The following DGKB variants were observed in gnomAD, a reference collection of about 807,000 sequenced individuals.
DGKB encodes diacylglycerol kinase beta.
Under a neutral mutation model 114.3 loss-of-function variants are expected in DGKB, and 67 were observed. The ratio of observed to expected loss-of-function variants is 0.59; its 90% CI spans 0.48 to 0.72. The LOEUF (loss-of-function observed/expected upper bound fraction) is 0.72, where lower values mean the gene tolerates loss of function less well. DGKB is among the 30% of genes least tolerant of loss of function. DGKB has a pLI of 0.00. For missense variants in DGKB, 907 were observed against 975.2 expected (o/e 0.93, Z 0.93); for synonymous variants, 398 against 323.1 (o/e 1.23, Z -2.49).
intron 23 of DGKB, among the ~76,000 whole-genome samples, chr7:14,214,503 T>C (rs972322322): frequency 6.6e-6 from 1 of 152,084 alleles, no homozygotes; most frequent in Non-Finnish European, 1.5e-5. Flanking sequence ...TATGTAAATA[T>C]TATATGGTAC....
At chr7:14,616,758 T>C (rs1285659967) in intron 15 of DGKB, among the ~76,000 whole-genome samples, 1 of 151,804 alleles carries the variant, frequency 6.6e-6, no homozygotes, top group Non-Finnish European at 1.5e-5. Context: ...CTTGAGGCTC[T>C]CTCTACAGAG....
At chr7:14,855,925 T>C (rs1850076065) in intron 1 of DGKB, among the ~76,000 whole-genome samples, 1 of 151,866 alleles carries the variant, frequency 6.6e-6, no homozygotes, top group African/African-American at 2.4e-5. Context: ...TATATTAAAA[T>C]ATTGCTACTT....
intron 2 of DGKB, among the ~76,000 whole-genome samples, chr7:14,839,363 A>C (rs950850184): frequency 1.3e-5 from 2 of 152,080 alleles, no homozygotes; most frequent in African/African-American, 4.8e-5. Context: ...GTGATAAAGA[A>C]GAAGTAGGCC....
At chr7:14,827,709 C>A (rs1363944611) in intron 2 of DGKB, among the ~76,000 whole-genome samples, 1 of 151,924 alleles carries the variant, frequency 6.6e-6, no homozygotes, top group Admixed American at 6.6e-5. Flanking sequence ...AGAAGAAAGA[C>A]TTATGGGGGG....
At chr7:14,497,549 T>C (rs377383038) in intron 20 of DGKB, among the ~76,000 whole-genome samples, 1 of 151,774 alleles carries the variant, frequency 6.6e-6, no homozygotes. Context: ...ATCATGTCCC[T>C]ATATTCCTCA....
intron 23 of DGKB, among the ~76,000 whole-genome samples, chr7:14,325,291 C>G (rs1253018955): frequency 2.6e-5 from 4 of 151,998 alleles, no homozygotes; most frequent in African/African-American, 9.7e-5. Context: ...GGGGGGTCAT[C>G]ATGGTGATTT....
intron 1 of DGKB, among the ~76,000 whole-genome samples, chr7:14,845,372 T>G (rs915006970): frequency 8.5e-5 from 13 of 152,188 alleles, no homozygotes; most frequent in Admixed American, 7.2e-4. Flanking sequence ...TTTATTTATA[T>G]TATTTAACAT....
intron 25 of DGKB, among the ~76,000 whole-genome samples, chr7:14,174,033 T>A (rs967299337): frequency 1.3e-5 from 2 of 152,226 alleles, no homozygotes; most frequent in Admixed American, 1.3e-4. Context: ...CTTAAATTAT[T>A]CTAACACATT....
At chr7:14,787,352 A>G (rs1447608792) in intron 2 of DGKB, among the ~76,000 whole-genome samples, 3 of 152,222 alleles carry the variant, frequency 2.0e-5, no homozygotes, top group Non-Finnish European at 4.4e-5. Flanking sequence ...TATTACACAG[A>G]AATCTGCAAG....
intron 20 of DGKB, among the ~76,000 whole-genome samples, chr7:14,498,688 G>A (rs1289270548): frequency 6.6e-6 from 1 of 151,684 alleles, no homozygotes; most frequent in East Asian, 1.9e-4. Flanking sequence ...TCCAGTAGTA[G>A]TAGTACACTT....
At chr7:14,848,837 T>A (rs10225316) in intron 1 of DGKB, among the ~76,000 whole-genome samples, 61,100 of 151,876 alleles carry the variant, frequency 0.4, 12,950 homozygotes, top group South Asian at 0.62. Context: ...AATGGGCTGG[T>A]TGAGAATTTA....
chr7:14,906,306 A>G (rs1249976992), upstream of DGKB, among the ~76,000 whole-genome samples: 1 of 152,132 alleles, frequency 6.6e-6, no homozygotes, highest in African/African-American at 2.4e-5. Flanking sequence ...TACAAGCAAG[A>G]CAACTTTCAT....
intron 21 of DGKB, among the ~76,000 whole-genome samples, chr7:14,443,051 T>G (rs986309651): frequency 6.6e-6 from 1 of 152,216 alleles, no homozygotes; most frequent in African/African-American, 2.4e-5. Flanking sequence ...TCTTGTTTTA[T>G]AATTGTTTTA....
intron 23 of DGKB, among the ~76,000 whole-genome samples, chr7:14,201,689 G>A (rs758795743): frequency 3.9e-5 from 6 of 151,952 alleles, no homozygotes; most frequent in Admixed American, 6.6e-5. Context: ...TGCTGGTATT[G>A]TGGACTCTGT....
chr7:14,277,416 A>G (rs1381074420), intron 23 of DGKB, among the ~76,000 whole-genome samples: 1 of 151,900 alleles, frequency 6.6e-6, no homozygotes, highest in Non-Finnish European at 1.5e-5. Context: ...CAAGCCATCC[A>G]CCCACCTTGG....
chr7:14,304,288 A>G (rs112723129), intron 23 of DGKB, among the ~76,000 whole-genome samples: 1 of 151,966 alleles, frequency 6.6e-6, no homozygotes, highest in African/African-American at 2.4e-5. Flanking sequence ...TCAGAGTTCC[A>G]CATTTGGCAT....
chr7:14,578,204 A>G (rs1304963646), intron 19 of DGKB, among the ~76,000 whole-genome samples: 1 of 151,984 alleles, frequency 6.6e-6, no homozygotes, highest in Non-Finnish European at 1.5e-5. Context: ...CTTCACCTTC[A>G]CGATTGTAAG....
chr7:14,348,360 T>C (rs1812845867), intron 21 of DGKB, among the ~76,000 whole-genome samples: 1 of 152,104 alleles, frequency 6.6e-6, no homozygotes, highest in Non-Finnish European at 1.5e-5. Context: ...ATGGTATGAA[T>C]GCATCATAGC....
intron 1 of DGKB, among the ~76,000 whole-genome samples, chr7:14,946,348 T>A (rs1174246649): frequency 6.6e-6 from 1 of 151,710 alleles, no homozygotes; most frequent in Non-Finnish European, 1.5e-5. Context: ...GAATGGACCC[T>A]CCATTTCCTT....
Sources: gnomAD v4.1 joint callset for allele counts (sites outside exome capture counted in the v4.1 genomes callset) on GRCh38, gnomAD v4.1.1 for gene constraint, MANE v1.5 for transcripts, NCBI Gene and HGNC (gene_info 2026-07-23, HGNC 2026-07-21) for gene names.